The following INTS11 variants were observed in gnomAD, a reference collection of about 807,000 sequenced individuals.
INTS11 encodes integrator complex subunit 11.
INTS11 carries 77 observed loss-of-function variants against 78.6 expected under a neutral mutation model. The ratio of observed to expected loss-of-function variants is 0.98; its 90% confidence interval spans 0.81 to 1.18. The LOEUF (loss-of-function observed/expected upper bound fraction) is 1.18. Among genes scored for constraint, INTS11 ranks in the 50% most tolerant of loss-of-function variants. The pLI is 0.00. For synonymous variants in INTS11, 441 were observed against 326.9 expected, an observed-to-expected ratio of 1.35 and a Z score of -3.77; for missense variants, 875 against 825.9, an observed-to-expected ratio of 1.06 and a Z score of -0.73.
At position 1,319,393 on chromosome 1, in the gene INTS11, G is replaced by A; in HGVS notation, c.332C>T (p.Ala111Val). The A allele has an allele frequency of 1.9e-6, 3 of 1,613,402 alleles. No homozygotes were observed. The highest frequency in any genetic ancestry group is 3.3e-5 in the Admixed American group (2 of 60,024). ...GTTGGCCTCGCCCTTCTTGTCTACG[G>A]CGATCTTGCGGTAGTCCTCCAGCAA... Reference protein sequence around the residue: ...PILLEDYRKIAVDKKGEANFF... With the variant: ...PILLEDYRKIVVDKKGEANFF... Residue 111 changes from alanine to valine, a missense_variant, in exon 4 of 17, where the codon GCC becomes GTC. By Grantham distance (64) the Ala-to-Val change is moderately conservative. Coordinates refer to ENST00000435064, the MANE Select transcript of INTS11 (RefSeq NM_017871.6).
rs199870169 is a variant in INTS11 at position 1,311,962 on chromosome 1, C to T, written c.1738-38G>A. The T allele has an allele frequency of 4.4e-6, 7 of 1,595,964 alleles. No homozygotes were observed. The East Asian group carries it at 1.6e-4, about 36-fold the overall frequency. ...CAAAAGCATTGTGGGTGGTGCAGGA[C>T]AGGGAGGAATGTTGATACCTGTGTT... is the stretch of plus-strand genomic sequence containing the variant. On this transcript the variant is annotated intron_variant, in intron 16 of 16. Coordinates refer to ENST00000435064, the MANE Select transcript of INTS11 (RefSeq NM_017871.6).
intron 2 of INTS11, 51 bp downstream of exon 2, chr1:1,320,945 T>C (rs750650189): frequency 6.6e-7 from 1 of 1,504,138 alleles, no homozygotes; most frequent in Non-Finnish European, 9.3e-7. Context: ...AGGGTCCAGC[T>C]GTGGATGGCC....
In INTS11 at chr1:1,315,129, G is replaced by A. The variant is rs1169005167; in HGVS notation, c.564-167C>T. On this transcript the variant is annotated intron_variant, in intron 6 of 16. Coordinates refer to ENST00000435064, the MANE Select transcript of INTS11 (RefSeq NM_017871.6). ...TGTGGGCAGCACACTTGGGAAGAGA[G>A]AGGAGAGACAGAGGCACCCACCCAG... The A allele has an allele frequency of 6.7e-6, 6 of 897,180 alleles. No individual in the cohort carries two copies. In the East Asian group the frequency reaches 1.6e-4, roughly 24 times the overall value. The allele number at this position is 897,180 out of a possible 1,614,324, so 55.6% of individuals were successfully genotyped here.
chr1:1,315,675 G>C (rs1443473184), intron 4 of INTS11, 57 bp from the exon 5 acceptor site: 1 of 1,123,382 alleles, frequency 8.9e-7, no homozygotes, highest in African/African-American at 1.6e-5. Context: ...GGCGGGGAGT[G>C]AGGGAGGCGG....
At position 1,312,085 on chromosome 1, in the gene INTS11, A is replaced by AC. The variant is rs775845192; in HGVS notation, c.1669_1670insG (p.Leu557ArgfsTer9). ...CTCAGAAGGGGCGGCGGCCTGGAGG[A>AC]GGACGGACTCCACAGTCACAGAGCC... On this transcript the variant is annotated frameshift_variant, in exon 16 of 17. Coordinates refer to ENST00000435064, the MANE Select transcript of INTS11 (RefSeq NM_017871.6). LOFTEE classifies it high-confidence loss of function. 1 of 1,573,900 alleles carries AC rather than the reference A, an allele frequency of 6.4e-7. No individual in the cohort carries two copies. Among genetic ancestry groups the AC allele is most frequent in the Non-Finnish European group, 8.6e-7 (1 of 1,158,244 alleles).
intron 3 of INTS11, chr1:1,320,171 A>C: frequency 2.4e-6 from 1 of 412,736 alleles, no homozygotes; most frequent in Non-Finnish European, 4.5e-6. Flanking sequence ...CCAACAAGAC[A>C]GTGGGGTTTA....
At position 1,312,051 on chromosome 1, in the gene INTS11, G is replaced by A. The variant is rs1642205623; in HGVS notation, c.1704C>T (p.Gly568=). The change falls in exon 16 of 17, where the codon GGC becomes GGT. Residue 568 remains glycine, a synonymous_variant. Coordinates refer to ENST00000435064, the MANE Select transcript of INTS11 (RefSeq NM_017871.6). ...LQAAAPSEDP[G]TKVLLVSWTY... ...TCCAGGAGACCAGCAGCACCTTGGTGCCTGGGTCCTCAGAAGGGGCGGCGG... is the reference window on the plus strand; with the variant it reads ...TCCAGGAGACCAGCAGCACCTTGGTACCTGGGTCCTCAGAAGGGGCGGCGG... 1 of 1,573,616 alleles carries A rather than the reference G, an allele frequency of 6.4e-7. No homozygotes were observed. The highest frequency in any genetic ancestry group is 1.3e-5 in the African/African-American group (1 of 74,606).
Position 1,313,605 on chromosome 1 carries a change from C to G in INTS11, c.958-13G>C. 1 of 1,612,882 alleles carries G rather than the reference C, an allele frequency of 6.2e-7. No individual in the cohort carries two copies. Among genetic ancestry groups the G allele is most frequent in the African/African-American group, 1.3e-5 (1 of 75,080 alleles). ...TGGCAAACACAACCTACAGGACACA[C>G]AGGGCCAGGTGGGGGGTCAGGGCAG... On this transcript the variant is annotated splice_polypyrimidine_tract_variant and intron_variant, in intron 9 of 16. Coordinates refer to ENST00000435064, the MANE Select transcript of INTS11 (RefSeq NM_017871.6).
At chr1:1,322,752 C>CGG (rs368160170) in intron 1 of INTS11, 3 of 228,132 alleles carry the variant, frequency 1.3e-5, no homozygotes, top group African/African-American at 7.5e-5. Flanking sequence ...GGACCGGCGG[C>CGG]GGGGGGGGTA....
At chr1:1,315,877 T>A (rs1642573503) in intron 4 of INTS11, among the ~76,000 whole-genome samples, 1 of 150,784 alleles carries the variant, frequency 6.6e-6, no homozygotes, top group South Asian at 2.1e-4. Context: ...TGCACTGAGC[T>A]TTTCAGTCCC....
Position 1,315,267 on chromosome 1 carries a change from G to GA in INTS11, c.563+136dup, listed in dbSNP as rs551820817. 231 of 1,096,502 alleles carry GA rather than the reference G, an allele frequency of 2.1e-4. No individual in the cohort carries two copies. The African/African-American group carries it at 3.1e-3, about 15-fold the overall frequency. The allele number at this position is 1,096,502 out of a possible 1,614,324, so 67.9% of individuals were successfully genotyped here. On this transcript the variant is annotated intron_variant, in intron 6 of 16. Transcript: ENST00000435064. ...GCCTTCGCGCATTTGGGCCCAGAAC[G>GA]AAGGGGGCTCTCCAGGCCGCACAGG...
Position 1,312,213 on chromosome 1 carries a change from G to GGGGGGCCCCCCCCCCCCCCCCCCCCCCC in INTS11, c.1607+12_1607+13insGGGGGGGGGGGGGGGGGGGGGGGCCCCC. The GGGGGGCCCCCCCCCCCCCCCCCCCCCCC allele has an allele frequency of 1.1e-6, 1 of 934,622 alleles. No homozygotes were observed. Among genetic ancestry groups the GGGGGGCCCCCCCCCCCCCCCCCCCCCCC allele is most frequent in the Non-Finnish European group, 1.6e-6 (1 of 636,672 alleles). The allele number at this position is 934,622 out of a possible 1,614,324, so 57.9% of individuals were successfully genotyped here. A position where few individuals can be genotyped will look rare whatever the true frequency, so the allele number is the denominator to read the frequency against. Reference sequence around the variant, plus strand: ...CCCAAGGGAGTGGGGGGGGGGCGGGGCCGGGCGCCCACCTCTTGAGGTGGC... The same window carrying GGGGGGCCCCCCCCCCCCCCCCCCCCCCC: ...CCCAAGGGAGTGGGGGGGGGGCGGGGGGGGGCCCCCCCCCCCCCCCCCCCCCCCCCGGGCGCCCACCTCTTGAGGTGGC... On this transcript the variant is annotated intron_variant, in intron 15 of 16. Transcript: ENST00000435064.
chr1:1,314,103 C>T lies in INTS11; in HGVS notation c.768-182G>A. ...GCCGGGCTCAGCGGAGAACCAGGAA[C>T]CCCTACAAGAGCCGCACACGGTGGC... On this transcript the variant is annotated intron_variant, in intron 8 of 16. Transcript: ENST00000435064. This position sits in a 1 kb window ranked among gnomAD's most constrained non-coding sequence, Gnocchi z 4.2. 1 of 768,480 alleles carries T rather than the reference C, an allele frequency of 1.3e-6. No individual in the cohort carries two copies. Among genetic ancestry groups the T allele is most frequent in the Non-Finnish European group, 2.1e-6 (1 of 469,112 alleles). 47.6% of individuals were successfully genotyped at this position (768,480 alleles called of 1,614,324 possible). A position where few individuals can be genotyped will look rare whatever the true frequency, so the allele number is the denominator to read the frequency against.
Position 1,312,777 on chromosome 1 carries a change from G to A in INTS11, c.1294+10C>T, listed in dbSNP as rs745629272. ...GAGGTGGGCCCCACGCCGCCCGCCC[G>A]GCTGCCTACGGAGCTCCTGCTCGAT... On this transcript the variant is annotated intron_variant, in intron 12 of 16. Transcript: ENST00000435064. 38 of 1,603,200 alleles carry A rather than the reference G, an allele frequency of 2.4e-5. No homozygotes were observed. Among genetic ancestry groups the A allele is most frequent in the African/African-American group, 9.4e-5 (7 of 74,828 alleles).
intron 10 of INTS11, 142 bp downstream of exon 10, chr1:1,313,367 A>G (rs1163010924): frequency 3.0e-6 from 3 of 994,500 alleles, no homozygotes; most frequent in Admixed American, 2.0e-5. Flanking sequence ...CCAGGCGGAC[A>G]TCGCCCCCGT....
chr1:1,322,952 TGAAAGATCA>T lies in INTS11; in HGVS notation c.28+1620_28+1628del, dbSNP rs545460930. ...CAGATTGCGGGTAATTGAAGCCACA[TGAAAGATCA>T]GAAAGATCAGATGTCCAGAGAGTGG... On this transcript the variant is annotated intron_variant, in intron 1 of 16. Transcript: ENST00000435064. 1,256 of 1,355,036 alleles carry T rather than the reference TGAAAGATCA, an allele frequency of 9.3e-4. 24 individuals carry two copies. The East Asian group carries it at 0.019, about 21-fold the overall frequency. The allele number at this position is 1,355,036 out of a possible 1,614,324, so 83.9% of individuals were successfully genotyped here. A position where few individuals can be genotyped will look rare whatever the true frequency, so the allele number is the denominator to read the frequency against.
chr1:1,312,760 C>G, intron 12 of INTS11, 27 bp downstream of exon 12: 1 of 1,597,500 alleles, frequency 6.3e-7, no homozygotes, highest in Non-Finnish European at 8.6e-7. Context: ...CCGAGGTGGG[C>G]CCCACGCCGC....
rs1475148206 is a variant in INTS11, at chr1:1,315,549, T to C, written c.499A>G (p.Lys167Glu). The change falls in exon 5 of 17, where the codon AAA becomes GAA. Residue 167 changes from lysine to glutamate, a missense_variant. Coordinates refer to ENST00000435064, the MANE Select transcript of INTS11 (RefSeq NM_017871.6). Reference sequence around the variant, plus strand: ...TAGACCACAGACTCTGAGCCCACTTTAATCTGGAACATGGCTGCCCCCAGC... The same window carrying C: ...TAGACCACAGACTCTGAGCCCACTTCAATCTGGAACATGGCTGCCCCCAGC... ...HVLGAAMFQI[K>E]VGSESVVYTG... The C allele has an allele frequency of 6.2e-7, 1 of 1,612,588 alleles. No homozygotes were observed. Among genetic ancestry groups the C allele is most frequent in the Non-Finnish European group, 8.5e-7 (1 of 1,179,836 alleles).
At chr1:1,318,722 T>C (rs181530185) in intron 4 of INTS11, 1 of 464,836 alleles carries the variant, frequency 2.2e-6, no homozygotes, top group Non-Finnish European at 3.9e-6. Context: ...AATCAGAAAA[T>C]TAAATGTTCC....
Sources: gnomAD v4.1 joint callset for allele counts (sites outside exome capture counted in the v4.1 genomes callset) on GRCh38, gnomAD v4.1.1 for gene constraint, Gnocchi (gnomAD v3.1) non-coding constraint, MANE v1.5 for transcripts, NCBI Gene and HGNC (gene_info 2026-07-23, HGNC 2026-07-21) for gene names.